Variants in DERA observed in about 807,000 individuals in gnomAD.
DERA encodes the protein 2-deoxy-D-ribose 5-phosphate aldolase.
A neutral mutation model predicts 41.1 loss-of-function variants in DERA; 15 were observed. That is an observed-to-expected ratio of 0.37 (90% CI 0.24 to 0.56). The LOEUF (loss-of-function observed/expected upper bound fraction) is 0.56, where lower values mean the gene tolerates loss of function less well. Among genes scored for constraint, DERA ranks in the 20% least tolerant of loss-of-function variants. DERA has a pLI of 0.81. For synonymous variants in DERA, 139 were observed against 137.4 expected (o/e 1.01, Z -0.08); for missense variants, 396 against 403.4 (o/e 0.98, Z 0.16).
At chr12:15,919,265 T>A (rs1455865795) in intron 1 of DERA, among the ~76,000 whole-genome samples, 2 of 152,204 alleles carry the variant, frequency 1.3e-5, no homozygotes, top group Non-Finnish European at 2.9e-5. Context: ...AAACATTTTT[T>A]TTTTTTTAAA....
In DERA at chr12:16,003,817, G is replaced by A. The variant is rs2136174792; in HGVS notation, c.637+21381G>A. Among the ~76,000 whole-genome samples the A allele has an allele frequency of 6.6e-6, 1 of 152,166 alleles. No individual in the cohort carries two copies. The highest frequency in any genetic ancestry group is 3.4e-3 in the Middle Eastern group (1 of 294). ...AAAACCCTCTTTGTATCACCATCTTGAGATTCCTTATCCAAATTTAAACTC... is the reference window on the plus strand; with the variant it reads ...AAAACCCTCTTTGTATCACCATCTTAAGATTCCTTATCCAAATTTAAACTC... On this transcript the variant is annotated intron_variant, in intron 6 of 8. Transcript: ENST00000428559. This position sits in a 1 kb window ranked among gnomAD's most constrained non-coding sequence, Gnocchi z 4.8.
chr12:15,926,127 C>T (rs550268504), intron 1 of DERA, among the ~76,000 whole-genome samples: 122 of 152,076 alleles, frequency 8.0e-4, no homozygotes, highest in African/African-American at 2.9e-3. Flanking sequence ...CTGGTCAACT[C>T]CTGAGGCTTT....
chr12:15,932,535 A>G (rs560297371), intron 1 of DERA, among the ~76,000 whole-genome samples: 1 of 152,198 alleles, frequency 6.6e-6, no homozygotes, highest in South Asian at 2.1e-4. Flanking sequence ...CTGTAGTCCC[A>G]GCTACTTGAG....
Position 15,945,278 on chromosome 12 carries a change from T to G in DERA, c.32-11658T>G, listed in dbSNP as rs1179039009. ...CCAATTCTGTGAAGAAAGTCATTAG[T>G]AGCTTGATGGGGATGGCATTGAATC... On this transcript the variant is annotated intron_variant, in intron 1 of 8. Transcript: ENST00000428559. Among the ~76,000 whole-genome samples, 4 of 152,370 alleles carry G rather than the reference T, an allele frequency of 2.6e-5. No homozygotes were observed. In the East Asian group the frequency reaches 7.7e-4, roughly 29 times the overall value.
At chr12:16,023,729 G>A (rs1356351753) in intron 6 of DERA, among the ~76,000 whole-genome samples, 16 of 151,976 alleles carry the variant, frequency 1.1e-4, no homozygotes, top group Admixed American at 7.2e-4. Flanking sequence ...CGCCCGCCTC[G>A]GCCTCCCAAA....
chr12:15,954,292 G>A lies in DERA; in HGVS notation c.32-2644G>A, dbSNP rs1231091274. On this transcript the variant is annotated intron_variant, in intron 1 of 8. Coordinates refer to ENST00000428559, the MANE Select transcript of DERA (RefSeq NM_015954.4). This position sits in a 1 kb window ranked among gnomAD's most constrained non-coding sequence, Gnocchi z 4.0. Reference sequence around the variant, plus strand: ...CTTATTTATCGTATGCCACCCGTGCGTCAGGTCCTTCGCTTGGAGTTTTAA... The same window carrying A: ...CTTATTTATCGTATGCCACCCGTGCATCAGGTCCTTCGCTTGGAGTTTTAA... 6.6e-6 allele frequency among the ~76,000 whole-genome samples: 1 copy of A among 152,084 alleles called. No homozygotes were observed. Among genetic ancestry groups the A allele is most frequent in the East Asian group, 1.9e-4 (1 of 5,190 alleles).
In DERA at chr12:16,026,437, G is replaced by C. The variant is rs12423382; in HGVS notation, c.638-6105G>C. ...TTTTCACAAATTTGATAACTTAGGT[G>C]AAATGGATCAATCCTCAAAAGACAT... On this transcript the variant is annotated intron_variant, in intron 6 of 8. Transcript: ENST00000428559. This position sits in a 1 kb window ranked among gnomAD's most constrained non-coding sequence, Gnocchi z 4.4. Among the ~76,000 whole-genome samples the C allele has an allele frequency of 0.013, 1,995 of 151,624 alleles. 152 individuals carry two copies. Among genetic ancestry groups the C allele is most frequent in the Admixed American group, 0.12 (1,824 of 15,236 alleles).
In DERA at chr12:15,911,556, C is replaced by A; in HGVS notation, c.31+142C>A. The A allele has an allele frequency of 1.2e-6, 1 of 858,464 alleles. No individual in the cohort carries two copies. Among genetic ancestry groups the A allele is most frequent in the Admixed American group, 2.4e-5 (1 of 41,240 alleles). The allele number at this position is 858,464 out of a possible 1,614,324, so 53.2% of individuals were successfully genotyped here. A position where few individuals can be genotyped will look rare whatever the true frequency, so the allele number is the denominator to read the frequency against. ...GGGGCGGGAAGCAGTGGCGTCTGGT[C>A]AGCCCTCACCCCAAGTAAAGGCCGA... is the stretch of plus-strand genomic sequence containing the variant. On this transcript the variant is annotated intron_variant, in intron 1 of 8. Transcript: ENST00000428559. This position sits in a 1 kb window ranked among gnomAD's most constrained non-coding sequence, Gnocchi z 4.5.
Position 15,918,229 on chromosome 12 carries a change from C to A in DERA, c.31+6815C>A, listed in dbSNP as rs1948215237. 6.6e-6 allele frequency among the ~76,000 whole-genome samples: 1 copy of A among 152,220 alleles called. No homozygotes were observed. The highest frequency in any genetic ancestry group is 2.1e-4 in the South Asian group (1 of 4,832). On this transcript the variant is annotated intron_variant, in intron 1 of 8. Transcript: ENST00000428559. This position sits in a 1 kb window ranked among gnomAD's most constrained non-coding sequence, Gnocchi z 4.3. ...CTGGTGCTTGGTCCCCCACAGCAGG[C>A]TGCTGCCTACACAAATCTCCCTGTT...
chr12:16,004,006 G>A lies in DERA; in HGVS notation c.637+21570G>A, dbSNP rs1948893155. Among the ~76,000 whole-genome samples, 1 of 152,142 alleles carries A rather than the reference G, an allele frequency of 6.6e-6. No individual in the cohort carries two copies. The highest frequency in any genetic ancestry group is 2.1e-4 in the South Asian group (1 of 4,820). On this transcript the variant is annotated intron_variant, in intron 6 of 8. Coordinates refer to ENST00000428559, the MANE Select transcript of DERA (RefSeq NM_015954.4). This position sits in a 1 kb window ranked among gnomAD's most constrained non-coding sequence, Gnocchi z 4.2. ...AGGGGTTGGTAGGGCTATTCATTAA[G>A]TGCAGTAAGAGTAAAACATGCTTTT...
Position 15,982,659 on chromosome 12 carries a change from A to T in DERA, c.637+223A>T, listed in dbSNP as rs1421533559. Among the ~76,000 whole-genome samples the T allele has an allele frequency of 6.6e-6, 1 of 152,076 alleles. No homozygotes were observed. On this transcript the variant is annotated intron_variant, in intron 6 of 8. Coordinates refer to ENST00000428559, the MANE Select transcript of DERA (RefSeq NM_015954.4). The surrounding 1 kb of genome is among the most constrained non-coding windows in gnomAD (Gnocchi z 4.0). ...TGTGTGTGTGGCATTTCATTGCTGC[A>T]CTATGCTTATAAGGCAGTAGATGGC...
At position 16,011,279 on chromosome 12, in the gene DERA, G is replaced by GT. The variant is rs1402461728; in HGVS notation, c.638-21262dup. Among the ~76,000 whole-genome samples the GT allele has an allele frequency of 6.6e-6, 1 of 152,156 alleles. No homozygotes were observed. The highest frequency in any genetic ancestry group is 1.5e-5 in the Non-Finnish European group (1 of 68,028). ...TTTTACTCATCTTTGCCAAAGCATA[G>GT]TGATACCAAATCATATTTTACAGGT... On this transcript the variant is annotated intron_variant, in intron 6 of 8. Transcript: ENST00000428559. The surrounding 1 kb of genome is among the most constrained non-coding windows in gnomAD (Gnocchi z 4.7).
chr12:16,012,914 T>C lies in DERA; in HGVS notation c.638-19628T>C, dbSNP rs2136180199. ...TAGTGAATATAAAAATTATTGAGAT[T>C]TATTACATTGTATTTTTTTGTATTA... On this transcript the variant is annotated intron_variant, in intron 6 of 8. Transcript: ENST00000428559. The surrounding 1 kb of genome is among the most constrained non-coding windows in gnomAD (Gnocchi z 4.1). 6.6e-6 allele frequency among the ~76,000 whole-genome samples: 1 copy of C among 152,328 alleles called. No homozygotes were observed. Among genetic ancestry groups the C allele is most frequent in the South Asian group, 2.1e-4 (1 of 4,824 alleles).
At position 15,938,918 on chromosome 12, in the gene DERA, A is replaced by G. The variant is rs1366531304; in HGVS notation, c.32-18018A>G. 6.6e-6 allele frequency among the ~76,000 whole-genome samples: 1 copy of G among 152,128 alleles called. No homozygotes were observed. Among genetic ancestry groups the G allele is most frequent in the Admixed American group, 6.5e-5 (1 of 15,272 alleles). On this transcript the variant is annotated intron_variant, in intron 1 of 8. Coordinates refer to ENST00000428559, the MANE Select transcript of DERA (RefSeq NM_015954.4). This position sits in a 1 kb window ranked among gnomAD's most constrained non-coding sequence, Gnocchi z 4.1. ...GTAAGCTTATCTAATTTAAAATAGG[A>G]GCTTGTGGTAGCTAGTCTCCAGAGA...
rs564256194 is a variant in DERA at position 15,928,002 on chromosome 12, TAA to T, written c.31+16591_31+16592del. On this transcript the variant is annotated intron_variant, in intron 1 of 8. Transcript: ENST00000428559. The surrounding 1 kb of genome is among the most constrained non-coding windows in gnomAD (Gnocchi z 4.6). ...AAACTGTTCTTGGCTCAAAAATAGT[TAA>T]AACTTTTTAAATTGGAAAATAATAA... 3.3e-4 allele frequency among the ~76,000 whole-genome samples: 49 copies of T among 150,346 alleles called. No homozygotes were observed. Among genetic ancestry groups the T allele is most frequent in the South Asian group, 2.3e-3 (11 of 4,772 alleles).
chr12:15,945,240 C>A (rs1241349758), intron 1 of DERA, among the ~76,000 whole-genome samples: 3 of 152,004 alleles, frequency 2.0e-5, no homozygotes, highest in Non-Finnish European at 2.9e-5. Flanking sequence ...TATGAACTTT[C>A]AAGTAGTTTT....
chr12:15,922,728 A>G lies in DERA; in HGVS notation c.31+11314A>G, dbSNP rs1948252792. On this transcript the variant is annotated intron_variant, in intron 1 of 8. Coordinates refer to ENST00000428559, the MANE Select transcript of DERA (RefSeq NM_015954.4). This position sits in a 1 kb window ranked among gnomAD's most constrained non-coding sequence, Gnocchi z 4.9. ...GTGGTTTATCTGGGAAGGATACAGG[A>G]TTGGGACCCAGGCACTTTAGTTGTA... Among the ~76,000 whole-genome samples, 1 of 152,132 alleles carries G rather than the reference A, an allele frequency of 6.6e-6. No homozygotes were observed.
In DERA at chr12:15,994,610, C is replaced by T. The variant is rs1282739827; in HGVS notation, c.637+12174C>T. Among the ~76,000 whole-genome samples the T allele has an allele frequency of 2.6e-5, 4 of 152,144 alleles. No homozygotes were observed. Among genetic ancestry groups the T allele is most frequent in the African/African-American group, 7.2e-5 (3 of 41,426 alleles). Reference sequence around the variant, plus strand: ...CTGGGACTACAGGCGCCTGCAACCACGCCTGGCTAATTTTTTGTATTTTTA... The same window carrying T: ...CTGGGACTACAGGCGCCTGCAACCATGCCTGGCTAATTTTTTGTATTTTTA... On this transcript the variant is annotated intron_variant, in intron 6 of 8. Coordinates refer to ENST00000428559, the MANE Select transcript of DERA (RefSeq NM_015954.4). The surrounding 1 kb of genome is among the most constrained non-coding windows in gnomAD (Gnocchi z 4.8).
At chr12:16,031,253 G>A (rs1345074406) in intron 6 of DERA, among the ~76,000 whole-genome samples, 2 of 152,224 alleles carry the variant, frequency 1.3e-5, no homozygotes, top group Admixed American at 6.5e-5. Context: ...TGTCTACATT[G>A]TATGGTTTTG....
Sources: allele counts gnomAD v4.1 joint callset (sites outside exome capture counted in the v4.1 genomes callset), GRCh38; gene constraint gnomAD v4.1.1; non-coding constraint Gnocchi (gnomAD v3.1); transcripts MANE v1.5; gene names NCBI Gene and HGNC (gene_info 2026-07-23, HGNC 2026-07-21).